The following RAD51B variants were observed in gnomAD, a reference collection of about 807,000 sequenced individuals.
The protein encoded by RAD51B is DNA repair protein RAD51 homolog 2.
Under a neutral mutation model 42.2 loss-of-function variants are expected in RAD51B, and 38 were observed. That is an observed-to-expected ratio of 0.90 (90% CI 0.70 to 1.18). RAD51B has a LOEUF of 1.18. RAD51B is among the 50% of genes most tolerant of loss of function. The pLI, the probability that RAD51B is intolerant of heterozygous loss-of-function variation, is 0.00. For missense variants in RAD51B, 373 were observed against 400.7 expected (o/e 0.93, Z 0.59); for synonymous variants, 154 against 145.2 (o/e 1.06, Z -0.43).
At chr14:68,397,300 A>G (rs2083951691) in intron 8 of RAD51B, among the ~76,000 whole-genome samples, 1 of 152,342 alleles carries the variant, frequency 6.6e-6, no homozygotes, top group East Asian at 1.9e-4. Flanking sequence ...TTGCTTAAGA[A>G]TTCATATTTT....
At chr14:68,414,859 T>TAAA (rs33968049) in intron 9 of RAD51B, among the ~76,000 whole-genome samples, 9 of 71,218 alleles carry the variant, frequency 1.3e-4, no homozygotes, top group Admixed American at 1.7e-4. Context: ...CCATCTCTAC[T>TAAA]AAAAAAAAAA....
At chr14:68,162,519 C>T (rs555069522) in intron 7 of RAD51B, among the ~76,000 whole-genome samples, 2 of 152,234 alleles carry the variant, frequency 1.3e-5, no homozygotes, top group Non-Finnish European at 2.9e-5. Context: ...GGCGTAGTGG[C>T]TCACGCCAGT....
chr14:68,606,843 C>T (rs953520528), intron 10 of RAD51B, among the ~76,000 whole-genome samples: 2 of 152,162 alleles, frequency 1.3e-5, no homozygotes, highest in Non-Finnish European at 2.9e-5. Context: ...TGCTGTGTGA[C>T]CTTGTCTAGT....
At chr14:68,428,819 A>G (rs1350649885) in intron 9 of RAD51B, among the ~76,000 whole-genome samples, 2 of 148,164 alleles carry the variant, frequency 1.3e-5, no homozygotes, top group African/African-American at 5.0e-5. Flanking sequence ...GGTTTGTTAC[A>G]TATGTATACA....
chr14:67,926,292 T>G (rs181732174), intron 7 of RAD51B, among the ~76,000 whole-genome samples: 1 of 152,200 alleles, frequency 6.6e-6, no homozygotes, highest in African/African-American at 2.4e-5. Context: ...AGAAATTTTT[T>G]ACACCAGATA....
chr14:67,863,353 A>G (rs1381912055), intron 4 of RAD51B, among the ~76,000 whole-genome samples: 1 of 152,062 alleles, frequency 6.6e-6, no homozygotes, highest in Non-Finnish European at 1.5e-5. Context: ...CAAAGTATAT[A>G]ATAACATCAG....
intron 10 of RAD51B, among the ~76,000 whole-genome samples, chr14:68,504,662 C>CTTTTTTTT (rs57967320): frequency 4.4e-5 from 4 of 90,430 alleles, no homozygotes; most frequent in African/African-American, 8.2e-5. Context: ...TTTTTTCTTT[C>CTTTTTTTT]TTTTTTTTTT....
intron 8 of RAD51B, among the ~76,000 whole-genome samples, chr14:68,394,308 G>A (rs1278417247): frequency 6.6e-6 from 1 of 152,154 alleles, no homozygotes; most frequent in South Asian, 2.1e-4. Context: ...GGACGGGCTC[G>A]CCAGCTGGCC....
chr14:68,555,252 T>C (rs1351143004), intron 10 of RAD51B, among the ~76,000 whole-genome samples: 3 of 152,254 alleles, frequency 2.0e-5, no homozygotes, highest in Non-Finnish European at 4.4e-5. Context: ...TTAAATGTTA[T>C]GTGCTCAGCA....
At chr14:68,635,816 G>C (rs1008961644) in intron 10 of RAD51B, among the ~76,000 whole-genome samples, 1 of 152,146 alleles carries the variant, frequency 6.6e-6, no homozygotes, top group Non-Finnish European at 1.5e-5. Flanking sequence ...ACTCTGATGG[G>C]CATAGTTGAG....
chr14:68,122,964 C>A (rs28716846), intron 7 of RAD51B, among the ~76,000 whole-genome samples: 12,559 of 151,708 alleles, frequency 0.083, 1,528 homozygotes, highest in African/African-American at 0.27. Flanking sequence ...AAAACAAACA[C>A]ACACACACAC....
rs35538152 is a variant in RAD51B at position 68,411,253 on chromosome 14, C to T, written c.854-171C>T. Among the ~76,000 whole-genome samples the T allele has an allele frequency of 5.5e-3, 844 of 152,262 alleles. 10 individuals carry two copies. Among genetic ancestry groups the T allele is most frequent in the African/African-American group, 0.019 (789 of 41,538 alleles). ...AAGGAAACCCCTGCTGGTTTTTAGT[C>T]TCATATTCCTTAACCCCTCTCCTAC... is the stretch of plus-strand genomic sequence containing the variant. On this transcript the variant is annotated intron_variant, in intron 8 of 10. Coordinates refer to ENST00000471583, the MANE Select transcript of RAD51B (RefSeq NM_133510.4).
intron 9 of RAD51B, among the ~76,000 whole-genome samples, chr14:68,443,915 A>G (rs1594847643): frequency 6.6e-6 from 1 of 152,332 alleles, no homozygotes; most frequent in Middle Eastern, 3.4e-3. Context: ...TGAATATTCA[A>G]ACCGAATTCA....
At chr14:67,936,234 G>A (rs1224245781) in intron 7 of RAD51B, among the ~76,000 whole-genome samples, 2 of 152,118 alleles carry the variant, frequency 1.3e-5, no homozygotes, top group African/African-American at 4.8e-5. Flanking sequence ...GTACCCAGTA[G>A]CAGCCACTCT....
At chr14:68,624,562 TC>T (rs747871300) in intron 10 of RAD51B, among the ~76,000 whole-genome samples, 2 of 151,978 alleles carry the variant, frequency 1.3e-5, no homozygotes, top group African/African-American at 2.4e-5. Context: ...TAATTCCAAA[TC>T]CTCTGTGGCT....
chr14:68,639,151 G>A (rs930256973), intron 10 of RAD51B, among the ~76,000 whole-genome samples: 1 of 152,202 alleles, frequency 6.6e-6, no homozygotes, highest in Non-Finnish European at 1.5e-5. Flanking sequence ...TCTGAGTTAG[G>A]TAAGGCGATG....
intron 10 of RAD51B, among the ~76,000 whole-genome samples, chr14:68,581,958 C>T (rs1481397456): frequency 6.6e-6 from 1 of 152,146 alleles, no homozygotes; most frequent in Non-Finnish European, 1.5e-5. Context: ...TAGCCATATG[C>T]AGAAAACTGA....
intron 7 of RAD51B, among the ~76,000 whole-genome samples, chr14:68,211,930 G>T (rs1434060819): frequency 5.3e-5 from 8 of 152,244 alleles, no homozygotes; most frequent in African/African-American, 1.9e-4. Flanking sequence ...ATGATGTCTT[G>T]TGTTTACAGT....
At chr14:68,506,809 G>A (rs1273283920) in intron 10 of RAD51B, among the ~76,000 whole-genome samples, 1 of 152,194 alleles carries the variant, frequency 6.6e-6, no homozygotes, top group Non-Finnish European at 1.5e-5. Context: ...GGGAAATTTT[G>A]TGCTTGGGTA....
Sources: gnomAD v4.1 joint callset for allele counts (sites outside exome capture counted in the v4.1 genomes callset) on GRCh38, gnomAD v4.1.1 for gene constraint, MANE v1.5 for transcripts, NCBI Gene and HGNC (gene_info 2026-07-23, HGNC 2026-07-21) for gene names.